The following COL10A1 variants were observed in gnomAD, a reference collection of about 807,000 sequenced individuals.
The protein encoded by COL10A1 is collagen type X alpha 1 chain.
COL10A1 carries 10 observed loss-of-function variants against 18.2 expected under a neutral mutation model. The observed-to-expected ratio is 0.55, with a 90% CI of 0.34 to 0.93. The LOEUF (loss-of-function observed/expected upper bound fraction) is 0.93. Ranked by LOEUF, COL10A1 falls within the 40% of genes least tolerant of loss-of-function variation. COL10A1 has a pLI of 0.02. For missense variants in COL10A1, 897 were observed against 853.5 expected, an observed-to-expected ratio of 1.05 and a Z score of -0.64; for synonymous variants, 330 against 316.6, an observed-to-expected ratio of 1.04 and a Z score of -0.45.
the COL10A1 span, among the ~76,000 whole-genome samples, chr6:116,175,528 TTCTC>T: frequency 7.9e-5 from 12 of 152,330 alleles, no homozygotes; most frequent in Admixed American, 3.3e-4. Flanking sequence ...TCTCTCCTCT[TTCTC>T]TGGGACCCCA....
the COL10A1 span, among the ~76,000 whole-genome samples, chr6:116,191,487 A>G: frequency 6.6e-6 from 1 of 152,040 alleles, no homozygotes; most frequent in South Asian, 2.1e-4. Flanking sequence ...CTTCATAAAT[A>G]TTTACTGATA....
the COL10A1 span, among the ~76,000 whole-genome samples, chr6:116,211,111 C>G: frequency 6.6e-6 from 1 of 152,072 alleles, no homozygotes; most frequent in Non-Finnish European, 1.5e-5. Context: ...CCCACCGCCA[C>G]TTAAGAAGTC....
Position 116,138,105 on chromosome 6 carries a change from A to G in COL10A1, c.-15-12598T>C, listed in dbSNP as rs183060124. ...AAAAAAGAAAAGAAAGAAAATGTCC[A>G]GCTCAATAGCTGACATTTTAAGATC... On this transcript the variant is annotated intron_variant, in intron 1 of 1. Coordinates refer to the COL10A1 transcript ENST00000418500. 2.6e-3 allele frequency among the ~76,000 whole-genome samples: 396 copies of G among 152,294 alleles called. 10 individuals are homozygous for G. The South Asian group carries it at 0.043, about 17-fold the overall frequency.
the COL10A1 span, among the ~76,000 whole-genome samples, chr6:116,205,029 T>C: frequency 2.6e-5 from 4 of 152,020 alleles, no homozygotes; most frequent in Admixed American, 6.6e-5. Flanking sequence ...TATGTGTGTA[T>C]GCAAGTCCGT....
chr6:116,175,287 G>A, the COL10A1 span, among the ~76,000 whole-genome samples: 1 of 151,980 alleles, frequency 6.6e-6, no homozygotes, highest in Non-Finnish European at 1.5e-5. Flanking sequence ...GACACTATAG[G>A]TTAGTTTTAG....
rs146693525 is a variant in COL10A1 at position 116,158,217 on chromosome 6, CAAGT to C, written c.-16+393_-16+396del. Among the ~76,000 whole-genome samples the C allele has an allele frequency of 6.6e-4, 100 of 152,032 alleles. 1 individual carries two copies. The East Asian group carries it at 0.018, about 28-fold the overall frequency. On this transcript the variant is annotated intron_variant, in intron 1 of 1. Coordinates refer to the COL10A1 transcript ENST00000418500. ...CATTGTTGGGAGATGTTTAGTATTA[CAAGT>C]GAGTGTAGATCTGGGAGTAGTTTAG...
At chr6:116,149,481 A>G (rs993732352) in intron 1 of COL10A1, among the ~76,000 whole-genome samples, 2 of 152,206 alleles carry the variant, frequency 1.3e-5, no homozygotes, top group Non-Finnish European at 2.9e-5. Flanking sequence ...TTCAAAGGCT[A>G]CTTTAGTAGG....
At chr6:116,164,045 C>A in the COL10A1 span, among the ~76,000 whole-genome samples, 1 of 152,092 alleles carries the variant, frequency 6.6e-6, no homozygotes, top group African/African-American at 2.4e-5. Context: ...AAGTTCCATG[C>A]ACAGATGAGA....
At chr6:116,165,722 G>A in the COL10A1 span, among the ~76,000 whole-genome samples, 18 of 152,246 alleles carry the variant, frequency 1.2e-4, no homozygotes, top group South Asian at 2.3e-3. Context: ...TTAGTGGGCC[G>A]CACTTCCCCC....
chr6:116,191,049 T>C, the COL10A1 span, among the ~76,000 whole-genome samples: 1 of 151,900 alleles, frequency 6.6e-6, no homozygotes, highest in East Asian at 1.9e-4. Flanking sequence ...GCACAGTGAG[T>C]TGTTGTTAGA....
chr6:116,166,298 C>T, the COL10A1 span, among the ~76,000 whole-genome samples: 1 of 152,200 alleles, frequency 6.6e-6, no homozygotes, highest in South Asian at 2.1e-4. Flanking sequence ...GATCTTCTCT[C>T]TGAGGATAAC....
chr6:116,177,276 A>G, the COL10A1 span, among the ~76,000 whole-genome samples: 5 of 152,182 alleles, frequency 3.3e-5, no homozygotes, highest in Admixed American at 2.0e-4. Flanking sequence ...TTCATGACAT[A>G]CTTTTCAATT....
chr6:116,181,670 T>TG, the COL10A1 span, among the ~76,000 whole-genome samples: 2 of 151,986 alleles, frequency 1.3e-5, no homozygotes, highest in South Asian at 4.1e-4. Flanking sequence ...ACTTACAAAA[T>TG]GCAAGTACCT....
chr6:116,125,869 G>A, intron 1 of COL10A1, 184 bp downstream of exon 1: 1 of 202,808 alleles, frequency 4.9e-6, no homozygotes, highest in Non-Finnish European at 1.0e-5. Context: ...TTTACAATAT[G>A]GTTTTATTGG....
At chr6:116,152,432 T>G (rs963451751) in intron 1 of COL10A1, among the ~76,000 whole-genome samples, 2 of 152,124 alleles carry the variant, frequency 1.3e-5, no homozygotes, top group Admixed American at 1.3e-4. Context: ...AAAACAACTT[T>G]TGAACTCCTG....
the COL10A1 span, among the ~76,000 whole-genome samples, chr6:116,182,222 A>AGTGTGTGTGTGTGT: frequency 6.2e-3 from 777 of 124,650 alleles, 4 homozygotes; most frequent in African/African-American, 0.021. Flanking sequence ...TTCCATGGAG[A>AGTGTGTGTGTGTGT]GTGTGTGTGT....
In COL10A1 at chr6:116,118,932, G is replaced by T. The variant is rs1779023950; in HGVS notation, c.*1141C>A. On this transcript the variant is annotated 3_prime_UTR_variant, in exon 3 of 3. Transcript: ENST00000651968. ...TGTAAAAGCCACCCATCACTTTATT[G>T]TCCTACTTTTTTATTAACTTTGAAC... is the stretch of plus-strand genomic sequence containing the variant. The T allele has an allele frequency of 6.6e-6, 1 of 152,144 alleles. No homozygotes were observed. Among genetic ancestry groups the T allele is most frequent in the Non-Finnish European group, 1.5e-5 (1 of 68,022 alleles). 9.4% of individuals were successfully genotyped at this position (152,144 alleles called of 1,614,324 possible).
the COL10A1 span, among the ~76,000 whole-genome samples, chr6:116,167,586 A>C: frequency 6.6e-6 from 1 of 152,160 alleles, no homozygotes; most frequent in East Asian, 1.9e-4. Context: ...ATTTGATAAA[A>C]TTGCAATATT....
rs947034767 is a variant in COL10A1, at chr6:116,119,745, T to C, written c.*328A>G. ...CACATAACTTAGAGCTCTATTTCTGTTTTTTTTTTTAATTTTTTTTTTGTT... is the reference window on the plus strand; with the variant it reads ...CACATAACTTAGAGCTCTATTTCTGCTTTTTTTTTTAATTTTTTTTTTGTT... On this transcript the variant is annotated 3_prime_UTR_variant, in exon 3 of 3. Transcript: ENST00000651968. 9.6e-6 allele frequency: 2 copies of C among 208,060 alleles called. No homozygotes were observed. The highest frequency in any genetic ancestry group is 9.5e-6 in the Non-Finnish European group (1 of 105,722). 12.9% of individuals were successfully genotyped at this position (208,060 alleles called of 1,614,324 possible).
Sources: gnomAD v4.1 joint callset for allele counts (sites outside exome capture counted in the v4.1 genomes callset) on GRCh38, gnomAD v4.1.1 for gene constraint, MANE v1.5 for transcripts, NCBI Gene and HGNC (gene_info 2026-07-23, HGNC 2026-07-21) for gene names.